The following RAF1 variants were observed in gnomAD, a reference collection of about 807,000 sequenced individuals.
The protein encoded by RAF1 is RAF proto-oncogene serine/threonine-protein kinase.
In RAF1, 27 loss-of-function variants were observed where a neutral mutation model predicts 81.1. The observed-to-expected ratio is 0.33, with a 90% CI of 0.25 to 0.46. RAF1 has a LOEUF of 0.46. Among genes scored for constraint, RAF1 ranks in the 20% least tolerant of loss-of-function variants. The probability of loss-of-function intolerance (pLI) is 1.00; values close to 1 mark genes in which losing one functional copy is unlikely to be tolerated. For missense variants in RAF1, 598 were observed against 826.0 expected (o/e 0.72, Z 3.38); for synonymous variants, 298 against 294.0 (o/e 1.01, Z -0.14).
At chr3:12,658,676 T>TA (rs754066688) in intron 1 of RAF1, among the ~76,000 whole-genome samples, 3 of 152,190 alleles carry the variant, frequency 2.0e-5, no homozygotes, top group Non-Finnish European at 2.9e-5. Context: ...ACAAAAAATG[T>TA]AAACAACCTC....
chr3:12,591,852 C>G (rs879186452), intron 11 of RAF1, 60 bp from the exon 11 acceptor site: 1 of 1,275,814 alleles, frequency 7.8e-7, no homozygotes, highest in African/African-American at 1.5e-5. Flanking sequence ...TTCAAATAAC[C>G]TAGTTTTGAG....
intron 3 of RAF1, among the ~76,000 whole-genome samples, chr3:12,611,389 T>C (rs1306792701): frequency 6.6e-6 from 1 of 152,078 alleles, no homozygotes; most frequent in African/African-American, 2.4e-5. Flanking sequence ...GGCTAATTTT[T>C]AAAAATCTTT....
chr3:12,641,735 A>G (rs899263866), intron 1 of RAF1, among the ~76,000 whole-genome samples: 2 of 152,098 alleles, frequency 1.3e-5, no homozygotes, highest in Admixed American at 6.6e-5. Context: ...CAAGTGAGCT[A>G]CCTGCTTTGG....
chr3:12,584,584 T>C lies in RAF1; in HGVS notation c.1937A>G (p.His646Arg), dbSNP rs1553609795. 1 of 1,614,050 alleles carries C rather than the reference T, an allele frequency of 6.2e-7. No homozygotes were observed. Among genetic ancestry groups the C allele is most frequent in the Non-Finnish European group, 8.5e-7 (1 of 1,180,034 alleles). Reference sequence around the variant, plus strand: ...GATATCCTCAGTGTGGGCTGCCCGATGCAAGGATGGCTCGGAAGCGCTCCG... The same window carrying C: ...GATATCCTCAGTGTGGGCTGCCCGACGCAAGGATGGCTCGGAAGCGCTCCG... The change falls in exon 18 of 18, where the codon CAT (histidine) becomes CGT (arginine). Residue 646 changes from histidine to arginine, a missense_variant. By Grantham distance (29) the His-to-Arg change is conservative. Around this residue, in one of 5 missense-constraint regions of RAF1, gnomAD observed 147 missense variants for 196.1 expected, o/e 0.75. Transcript: ENST00000442415.
In RAF1 at chr3:12,610,336, T is replaced by C. The variant is rs114810659; in HGVS notation, c.321-1001A>G. Among the ~76,000 whole-genome samples, 744 of 152,314 alleles carry C rather than the reference T, an allele frequency of 4.9e-3. 6 individuals carry two copies. Among genetic ancestry groups the C allele is most frequent in the African/African-American group, 0.017 (704 of 41,570 alleles). ...TTAATATAATTACCTATACAGCACCTGGAAAACTTCCTATAACTCCAAAGG... is the reference window on the plus strand; with the variant it reads ...TTAATATAATTACCTATACAGCACCCGGAAAACTTCCTATAACTCCAAAGG... On this transcript the variant is annotated intron_variant, in intron 3 of 17. Coordinates refer to ENST00000442415, the MANE Select transcript of RAF1 (RefSeq NM_001354689.3).
At chr3:12,624,723 C>G (rs917040506) in intron 1 of RAF1, among the ~76,000 whole-genome samples, 1 of 151,886 alleles carries the variant, frequency 6.6e-6, no homozygotes, top group Non-Finnish European at 1.5e-5. Context: ...ACATGTTGGC[C>G]GGGCACAGTG....
chr3:12,657,551 T>C (rs1303087490), intron 1 of RAF1, among the ~76,000 whole-genome samples: 2 of 152,042 alleles, frequency 1.3e-5, no homozygotes, highest in Non-Finnish European at 2.9e-5. Context: ...GTGGGCAGAT[T>C]ACCTGAGGTC....
chr3:12,584,791 C>T (rs2125318858), intron 17 of RAF1, 56 bp downstream of exon 16: 1 of 1,613,888 alleles, frequency 6.2e-7, no homozygotes, highest in South Asian at 1.1e-5. Context: ...CCTTATATTG[C>T]CATCTTTACG....
intron 1 of RAF1, among the ~76,000 whole-genome samples, chr3:12,663,095 C>A (rs2060931265): frequency 6.6e-6 from 1 of 152,168 alleles, no homozygotes; most frequent in South Asian, 2.1e-4. Flanking sequence ...ACGGCCGCCT[C>A]GCCTCTCACG....
intron 1 of RAF1, among the ~76,000 whole-genome samples, chr3:12,650,671 C>G (rs2060494532): frequency 6.6e-6 from 1 of 152,136 alleles, no homozygotes; most frequent in Admixed American, 6.6e-5. Flanking sequence ...ATATAAAGTT[C>G]AGGGAGACAT....
At chr3:12,607,949 CAA>C (rs58308841) in intron 5 of RAF1, among the ~76,000 whole-genome samples, 6,417 of 66,842 alleles carry the variant, frequency 0.096, 92 homozygotes, top group Admixed American at 0.12. Flanking sequence ...GACTTGTCTC[CAA>C]AAAAAAAAAA....
At chr3:12,603,898 A>G (rs911981426) in intron 7 of RAF1, among the ~76,000 whole-genome samples, 2 of 152,234 alleles carry the variant, frequency 1.3e-5, no homozygotes, top group African/African-American at 4.8e-5. Flanking sequence ...GATAATGGGA[A>G]GAGTTCAAAT....
intron 1 of RAF1, among the ~76,000 whole-genome samples, chr3:12,655,773 C>T (rs547384246): frequency 6.2e-4 from 94 of 152,104 alleles, no homozygotes; most frequent in Non-Finnish European, 1.2e-3. Flanking sequence ...CATGCCACCA[C>T]CACATGGATA....
chr3:12,658,291 A>G (rs893135496), intron 1 of RAF1, among the ~76,000 whole-genome samples: 2 of 152,242 alleles, frequency 1.3e-5, no homozygotes, highest in Non-Finnish European at 2.9e-5. Context: ...GAACAATTAT[A>G]AGAACATAAT....
In RAF1 at chr3:12,629,318, G is replaced by C. The variant is rs150949945; in HGVS notation, c.-26-10571C>G. 5.3e-5 allele frequency among the ~76,000 whole-genome samples: 8 copies of C among 152,144 alleles called. No homozygotes were observed. The East Asian group carries it at 1.5e-3, about 29-fold the overall frequency. Reference sequence around the variant, plus strand: ...TTGGCTATCTGAACAAAAACAATAAGTGTTTGCTCTCTATTTTGGTACTCG... The same window carrying C: ...TTGGCTATCTGAACAAAAACAATAACTGTTTGCTCTCTATTTTGGTACTCG... On this transcript the variant is annotated intron_variant, in intron 1 of 17. Coordinates refer to ENST00000442415, the MANE Select transcript of RAF1 (RefSeq NM_001354689.3).
At chr3:12,656,769 G>C (rs2060706426) in intron 1 of RAF1, among the ~76,000 whole-genome samples, 1 of 152,136 alleles carries the variant, frequency 6.6e-6, no homozygotes, top group Admixed American at 6.6e-5. Flanking sequence ...GGCTGAGACA[G>C]GTGGATCATC....
chr3:12,596,735 G>A (rs1036982850), intron 11 of RAF1, among the ~76,000 whole-genome samples: 2 of 152,078 alleles, frequency 1.3e-5, no homozygotes, highest in African/African-American at 4.8e-5. Flanking sequence ...ACCAGAATAT[G>A]GCGGAAAAAA....
rs146561613 is a variant in RAF1 at position 12,584,649 on chromosome 3, A to T, written c.1872T>A (p.Ser624=). 1 of 1,614,126 alleles carries T rather than the reference A, an allele frequency of 6.2e-7. No homozygotes were observed. The highest frequency in any genetic ancestry group is 8.5e-7 in the Non-Finnish European group (1 of 1,180,000). The change falls in exon 18 of 18, where the codon TCT becomes TCA. Residue 624 remains serine (S), a synonymous_variant. Coordinates refer to ENST00000442415, the MANE Select transcript of RAF1 (RefSeq NM_001354689.3). ...GAGAGTGTTGGAGCAGCTCAATGGA[A>T]GACAGGATCTGAAACAAAGCCCAAG... is the stretch of plus-strand genomic sequence containing the variant.
chr3:12,637,512 G>A (rs1180749627), intron 1 of RAF1, among the ~76,000 whole-genome samples: 4 of 151,816 alleles, frequency 2.6e-5, no homozygotes, highest in Non-Finnish European at 5.9e-5. Context: ...TGATCCACCC[G>A]CCTCCATCTC....
Sources: allele counts gnomAD v4.1 joint callset (sites outside exome capture counted in the v4.1 genomes callset), GRCh38; gene constraint gnomAD v4.1.1; regional missense constraint gnomAD v4.1.1; transcripts MANE v1.5; gene names NCBI Gene and HGNC (gene_info 2026-07-23, HGNC 2026-07-21).